Variants in ITGA1 observed in about 807,000 individuals in gnomAD.
The protein encoded by ITGA1 is integrin subunit alpha 1.
Under a neutral mutation model 145.9 loss-of-function variants are expected in ITGA1, and 85 were observed. The observed-to-expected ratio is 0.58, with a 90% CI of 0.49 to 0.70. ITGA1 has a LOEUF of 0.70. Ranked by LOEUF, ITGA1 falls within the 30% of genes least tolerant of loss-of-function variation. The probability of loss-of-function intolerance (pLI) is 0.00; values close to 1 mark genes in which losing one functional copy is unlikely to be tolerated. For synonymous variants in ITGA1, 520 were observed against 495.3 expected, an observed-to-expected ratio of 1.05 and a Z score of -0.66; for missense variants, 1,351 against 1,418.7, an observed-to-expected ratio of 0.95 and a Z score of 0.77.
chr5:52,796,554 G>T (rs1440437146), intron 1 of ITGA1, among the ~76,000 whole-genome samples: 1 of 151,926 alleles, frequency 6.6e-6, no homozygotes, highest in African/African-American at 2.4e-5. Context: ...AACTACAGCA[G>T]TTTCTGAACT....
intron 17 of ITGA1, among the ~76,000 whole-genome samples, 177 bp downstream of exon 17, chr5:52,920,645 C>T (rs1363943974): frequency 1.3e-5 from 2 of 152,052 alleles, no homozygotes; most frequent in African/African-American, 4.8e-5. Flanking sequence ...TTCTCATTTC[C>T]AAATATTTGT....
In ITGA1 at chr5:52,955,346, C is replaced by CAGACAGAT. The variant is rs1554048603; in HGVS notation, c.*2898_*2899insCAGATAGA. ...CCACTGAGACAGATTACACGATAGA[C>CAGACAGAT]AGATAGATAGATAGATAGATAGATA... On this transcript the variant is annotated 3_prime_UTR_variant, in exon 29 of 29. Coordinates refer to ENST00000282588, the MANE Select transcript of ITGA1 (RefSeq NM_181501.2). 1.4e-5 allele frequency: 2 copies of CAGACAGAT among 148,112 alleles called. No homozygotes were observed. The highest frequency in any genetic ancestry group is 5.0e-5 in the African/African-American group (2 of 40,036). 9.2% of individuals were successfully genotyped at this position (148,112 alleles called of 1,614,324 possible). A position where few individuals can be genotyped will look rare whatever the true frequency, so the allele number is the denominator to read the frequency against.
chr5:52,940,504 G>A (rs1445778153), intron 26 of ITGA1, among the ~76,000 whole-genome samples: 1 of 151,076 alleles, frequency 6.6e-6, no homozygotes, highest in Non-Finnish European at 1.5e-5. Context: ...CACCTCCCGG[G>A]TTCACGCCAT....
At chr5:52,853,772 T>C (rs1749464063) in intron 2 of ITGA1, among the ~76,000 whole-genome samples, 2 of 152,214 alleles carry the variant, frequency 1.3e-5, no homozygotes, top group African/African-American at 2.4e-5. Context: ...TCATTATGTT[T>C]AGCATGAGCT....
chr5:52,877,289 A>G (rs1343887956), intron 6 of ITGA1, among the ~76,000 whole-genome samples: 1 of 152,058 alleles, frequency 6.6e-6, no homozygotes, highest in East Asian at 1.9e-4. Context: ...AGAGAGGGAG[A>G]TCAGCAGCAA....
At chr5:52,841,940 G>C (rs1199218225) in intron 1 of ITGA1, among the ~76,000 whole-genome samples, 5 of 152,084 alleles carry the variant, frequency 3.3e-5, no homozygotes, top group Admixed American at 6.5e-5. Context: ...CTCAGGCTTG[G>C]GGAAGAGAGG....
chr5:52,837,859 A>T (rs1162302776), intron 1 of ITGA1, among the ~76,000 whole-genome samples: 1 of 152,204 alleles, frequency 6.6e-6, no homozygotes, highest in Non-Finnish European at 1.5e-5. Flanking sequence ...GTTTAGAGTT[A>T]TCTCAAAACA....
chr5:52,849,292 T>C lies in ITGA1; in HGVS notation c.62-73T>C. On this transcript the variant is annotated intron_variant, in intron 1 of 28. Coordinates refer to ENST00000282588, the MANE Select transcript of ITGA1 (RefSeq NM_181501.2). ...CAGCTTTCGATGGTAACCTTAACCA[T>C]GCCTTCCATAACTCAAAACATGATG... 2.3e-6 allele frequency: 3 copies of C among 1,292,984 alleles called. No individual in the cohort carries two copies. In the Admixed American group the frequency reaches 6.3e-5, roughly 27 times the overall value. 80.1% of individuals were successfully genotyped at this position (1,292,984 alleles called of 1,614,324 possible). A position where few individuals can be genotyped will look rare whatever the true frequency, so the allele number is the denominator to read the frequency against.
At chr5:52,800,190 C>G (rs756416655) in intron 1 of ITGA1, 1 of 593,658 alleles carries the variant, frequency 1.7e-6, no homozygotes, top group East Asian at 2.8e-5. Context: ...CGCAGCGCGC[C>G]GGGAGACTGA....
chr5:52,792,556 TC>T (rs1278321696), intron 1 of ITGA1, among the ~76,000 whole-genome samples: 2 of 152,194 alleles, frequency 1.3e-5, no homozygotes. Context: ...CCACAGCTTA[TC>T]ACTGATGTTC....
At chr5:52,789,048 A>G (rs939005221) in intron 1 of ITGA1, among the ~76,000 whole-genome samples, 1 of 152,238 alleles carries the variant, frequency 6.6e-6, no homozygotes, top group African/African-American at 2.4e-5. Context: ...TTAAGATGCA[A>G]AATATAGTAT....
intron 1 of ITGA1, chr5:52,801,886 T>C: frequency 1.4e-6 from 2 of 1,393,860 alleles, no homozygotes; most frequent in Non-Finnish European, 2.0e-6. Flanking sequence ...CCTAAACTGT[T>C]ACAGTACATT....
At chr5:52,912,872 G>A (rs527998900) in intron 14 of ITGA1, among the ~76,000 whole-genome samples, 31 of 151,512 alleles carry the variant, frequency 2.0e-4, no homozygotes, top group South Asian at 1.9e-3. Context: ...TTAGTCTCCC[G>A]AGGAACTGGG....
chr5:52,915,483 A>T lies in ITGA1; in HGVS notation c.1877A>T (p.Asp626Val). ...TCACAGCGTATTCCATCAGGTGGGG[A>T]TGGTAAGACACTGAAATTTTTTGGC... ...EYAQRIPSGG[D>V]GKTLKFFGQS... Residue 626 changes from aspartate to valine, a missense_variant, in exon 15 of 29, where the codon GAT becomes GTT. Asp to Val is a radical substitution (Grantham distance 152). Transcript: ENST00000282588. 6.2e-7 allele frequency: 1 copy of T among 1,614,002 alleles called. No individual in the cohort carries two copies. Among genetic ancestry groups the T allele is most frequent in the Non-Finnish European group, 8.5e-7 (1 of 1,179,932 alleles).
chr5:52,805,218 C>G (rs1748567066), intron 1 of ITGA1, among the ~76,000 whole-genome samples: 1 of 152,080 alleles, frequency 6.6e-6, no homozygotes, highest in South Asian at 2.1e-4. Flanking sequence ...CACCTAAGAA[C>G]CTCCGTGCTA....
At chr5:52,951,447 CT>C (rs1363721826) in intron 28 of ITGA1, among the ~76,000 whole-genome samples, 1 of 152,100 alleles carries the variant, frequency 6.6e-6, no homozygotes, top group Non-Finnish European at 1.5e-5. Flanking sequence ...GCACTTATAA[CT>C]TTTTATGATG....
At chr5:52,831,890 T>A (rs564535681) in intron 1 of ITGA1, among the ~76,000 whole-genome samples, 1 of 152,264 alleles carries the variant, frequency 6.6e-6, no homozygotes, top group Non-Finnish European at 1.5e-5. Flanking sequence ...TTACTCTCTG[T>A]CCTTTTAAGA....
chr5:52,910,939 T>C (rs1392842005), intron 14 of ITGA1, among the ~76,000 whole-genome samples: 1 of 138,186 alleles, frequency 7.2e-6, no homozygotes, highest in East Asian at 2.1e-4. Context: ...ATATGGTATG[T>C]ATACTGTATA....
chr5:52,857,498 A>G (rs1474404356), intron 2 of ITGA1, among the ~76,000 whole-genome samples: 1 of 151,816 alleles, frequency 6.6e-6, no homozygotes, highest in Middle Eastern at 3.2e-3. Flanking sequence ...ATTTATTAAC[A>G]CTGCCCATCT....
Sources: allele counts gnomAD v4.1 joint callset (sites outside exome capture counted in the v4.1 genomes callset), GRCh38; gene constraint gnomAD v4.1.1; transcripts MANE v1.5; gene names NCBI Gene and HGNC (gene_info 2026-07-23, HGNC 2026-07-21).